PRDX3: variants seen among roughly 807,000 people sequenced by gnomAD.
PRDX3 encodes the protein peroxiredoxin 3, also known as thioredoxin-dependent peroxide reductase, mitochondrial.
PRDX3 carries 20 observed loss-of-function variants against 30.4 expected under a neutral mutation model. The observed-to-expected ratio is 0.66, with a 90% CI of 0.46 to 0.96. The LOEUF (loss-of-function observed/expected upper bound fraction) is 0.96, where lower values mean the gene tolerates loss of function less well. Ranked by LOEUF, PRDX3 falls within the 40% of genes least tolerant of loss-of-function variation. The probability of loss-of-function intolerance (pLI) is 0.00; values close to 1 mark genes in which losing one functional copy is unlikely to be tolerated. For missense variants in PRDX3, 322 were observed against 318.3 expected (o/e 1.01, Z -0.09); for synonymous variants, 124 against 117.8 (o/e 1.05, Z -0.34).
rs746926216 is a variant in PRDX3, at chr10:119,174,606, C to G, written c.170-14G>C. ...GGCATGAGGAACCTGAAAAAAAACC[C>G]ACACTCATATGGAGTTCATCATTTG... is the stretch of plus-strand genomic sequence containing the variant. On this transcript the variant is annotated splice_polypyrimidine_tract_variant and intron_variant, in intron 2 of 6. Transcript: ENST00000298510. The G allele has an allele frequency of 6.3e-7, 1 of 1,577,514 alleles. No homozygotes were observed. Among genetic ancestry groups the G allele is most frequent in the Admixed American group, 2.0e-5 (1 of 49,032 alleles).
In PRDX3 at chr10:119,168,919, G is replaced by A. The variant is rs1847831469; in HGVS notation, c.717+258C>T. Reference sequence around the variant, plus strand: ...ACCCAGGAGGCGGAGCTTGCAGTGAGCTGAGAGAGCGCCACTGCACTCCAG... The same window carrying A: ...ACCCAGGAGGCGGAGCTTGCAGTGAACTGAGAGAGCGCCACTGCACTCCAG... On this transcript the variant is annotated intron_variant, in intron 6 of 6. Transcript: ENST00000298510. Among the ~76,000 whole-genome samples, 3 of 146,850 alleles carry A rather than the reference G, an allele frequency of 2.0e-5. No individual in the cohort carries two copies. In the South Asian group the frequency reaches 6.4e-4, roughly 31 times the overall value.
At chr10:119,170,458 G>A (rs376352426) in intron 5 of PRDX3, 12 of 152,068 alleles carry the variant, frequency 7.9e-5, no homozygotes, top group Non-Finnish European at 1.8e-4. Flanking sequence ...ATATTAAAAC[G>A]GGTACAGAGG....
At position 119,172,367 on chromosome 10, in the gene PRDX3, G is replaced by A; in HGVS notation, c.551+15C>T. ...ATGAAAAATAATCTTAAGTTCATCAGAAACAGGATCTTACCTTAGTGCAAG... is the reference window on the plus strand; with the variant it reads ...ATGAAAAATAATCTTAAGTTCATCAAAAACAGGATCTTACCTTAGTGCAAG... On this transcript the variant is annotated intron_variant, in intron 5 of 6. Transcript: ENST00000298510. The A allele has an allele frequency of 1.9e-6, 3 of 1,574,472 alleles. No individual in the cohort carries two copies. Among genetic ancestry groups the A allele is most frequent in the Non-Finnish European group, 1.7e-6 (2 of 1,143,986 alleles).
At chr10:119,173,688 T>C in intron 4 of PRDX3, 49 bp downstream of exon 4, 1 of 1,579,266 alleles carries the variant, frequency 6.3e-7, no homozygotes, top group Non-Finnish European at 8.6e-7. Flanking sequence ...AAATTTAGAT[T>C]CTTCCAAGCA....
In PRDX3 at chr10:119,168,295, A is replaced by G. The variant is rs988675254; in HGVS notation, c.*185T>C. 1.7e-5 allele frequency: 21 copies of G among 1,228,218 alleles called. No homozygotes were observed. The highest frequency in any genetic ancestry group is 2.2e-5 in the Non-Finnish European group (20 of 918,758). The allele number at this position is 1,228,218 out of a possible 1,614,324, so 76.1% of individuals were successfully genotyped here. On this transcript the variant is annotated 3_prime_UTR_variant, in exon 7 of 7. Coordinates refer to ENST00000298510, the MANE Select transcript of PRDX3 (RefSeq NM_006793.5). ...TTACCAATAAAGGATTCCTTGTACTAGCAACTAACCATGTTTAAAAGGTCT... is the reference window on the plus strand; with the variant it reads ...TTACCAATAAAGGATTCCTTGTACTGGCAACTAACCATGTTTAAAAGGTCT...
intron 5 of PRDX3, among the ~76,000 whole-genome samples, chr10:119,171,152 T>C (rs990485014): frequency 2.0e-5 from 3 of 151,886 alleles, no homozygotes; most frequent in African/African-American, 7.2e-5. Context: ...GCCATTCTCC[T>C]GCCTCAGCCT....
chr10:119,168,341 A>G lies in PRDX3; in HGVS notation c.*139T>C. 6.8e-7 allele frequency: 1 copy of G among 1,480,376 alleles called. No homozygotes were observed. The highest frequency in any genetic ancestry group is 8.9e-7 in the Non-Finnish European group (1 of 1,121,058). 91.7% of individuals were successfully genotyped at this position (1,480,376 alleles called of 1,614,324 possible). A position where few individuals can be genotyped will look rare whatever the true frequency, so the allele number is the denominator to read the frequency against. ...GGTCTTAGCCAGAATTACAAAAACA[A>G]AACATTTAGAGTAATACTTATGAAT... On this transcript the variant is annotated 3_prime_UTR_variant, in exon 7 of 7. Coordinates refer to ENST00000298510, the MANE Select transcript of PRDX3 (RefSeq NM_006793.5).
At chr10:119,168,833 G>A (rs575448748) in intron 6 of PRDX3, among the ~76,000 whole-genome samples, 2 of 152,074 alleles carry the variant, frequency 1.3e-5, no homozygotes, top group Non-Finnish European at 2.9e-5. Context: ...AAAATTAGCC[G>A]TGGTGGTGGG....
At position 119,172,248 on chromosome 10, in the gene PRDX3, G is replaced by T. The variant is rs571911541; in HGVS notation, c.551+134C>A. On this transcript the variant is annotated intron_variant, in intron 5 of 6. Transcript: ENST00000298510. ...GCCTCCCAAAGTGCTACGATTACAG[G>T]CATGAGCCACCATGCCCAGCCAGGA... 8.1e-6 allele frequency: 6 copies of T among 738,830 alleles called. No individual in the cohort carries two copies. In the South Asian group the frequency reaches 8.5e-5, roughly 10 times the overall value. 45.8% of individuals were successfully genotyped at this position (738,830 alleles called of 1,614,324 possible).
At chr10:119,174,667 CAT>C in intron 2 of PRDX3, 75 bp from the exon 3 acceptor site, 1 of 1,373,156 alleles carries the variant, frequency 7.3e-7, no homozygotes, top group Non-Finnish European at 9.7e-7. Flanking sequence ...TTAAACTTCT[CAT>C]AATTAATTAG....
chr10:119,169,826 T>G (rs1223674603), intron 5 of PRDX3: 3 of 154,008 alleles, frequency 1.9e-5, no homozygotes, highest in Non-Finnish European at 4.3e-5. Context: ...ATAGAAAGAA[T>G]GTACAGGCTC....
chr10:119,173,774 T>C lies in PRDX3; in HGVS notation c.410A>G (p.His137Arg). The C allele has an allele frequency of 6.2e-7, 1 of 1,612,518 alleles. No homozygotes were observed. Among genetic ancestry groups the C allele is most frequent in the Non-Finnish European group, 8.5e-7 (1 of 1,179,946 alleles). ...CEVVAVSVDSHFSHLAWINTP... is the reference protein window; with the variant it reads ...CEVVAVSVDSRFSHLAWINTP... ...ATTTATCCAGGCAAGATGGCTAAAG[T>C]GGGAATCCACTGAGACTGCGACAAC... Residue 137 changes from histidine to arginine, a missense_variant, in exon 4 of 7, where the codon CAC (histidine) becomes CGC (arginine). His to Arg is a conservative substitution (Grantham distance 29, BLOSUM62 0). Coordinates refer to ENST00000298510, the MANE Select transcript of PRDX3 (RefSeq NM_006793.5).
chr10:119,177,214 G>A, intron 1 of PRDX3, 61 bp from the exon 2 acceptor site: 1 of 1,570,186 alleles, frequency 6.4e-7, no homozygotes, highest in Non-Finnish European at 8.7e-7. Flanking sequence ...GGCTGAAAGG[G>A]CATCGTGCCA....
rs780865913 is a variant in PRDX3 at position 119,169,393 on chromosome 10, C to T, written c.552-51G>A. 6 of 1,478,306 alleles carry T rather than the reference C, an allele frequency of 4.1e-6. No homozygotes were observed. In the South Asian group the frequency reaches 6.0e-5, roughly 15 times the overall value. 91.6% of individuals were successfully genotyped at this position (1,478,306 alleles called of 1,614,324 possible). A position where few individuals can be genotyped will look rare whatever the true frequency, so the allele number is the denominator to read the frequency against. On this transcript the variant is annotated intron_variant, in intron 5 of 6. Transcript: ENST00000298510. ...TGCCTCAACAGTACCAGAACTAGAACAGTCTAACTTCTTCCCTTTTAGGTC... is the reference window on the plus strand; with the variant it reads ...TGCCTCAACAGTACCAGAACTAGAATAGTCTAACTTCTTCCCTTTTAGGTC...
At chr10:119,169,118 C>A (rs1430179945) in intron 6 of PRDX3, 59 bp downstream of exon 6, 4 of 1,570,684 alleles carry the variant, frequency 2.5e-6, no homozygotes, top group South Asian at 2.3e-5. Flanking sequence ...TATTTCAGGT[C>A]AATAGCTCTC....
rs756027337 is a variant in PRDX3 at position 119,169,192 on chromosome 10, T to A, written c.702A>T (p.Thr234=). 20 of 1,612,216 alleles carry A rather than the reference T, an allele frequency of 1.2e-5. No homozygotes were observed. The highest frequency in any genetic ancestry group is 2.7e-5 in the African/African-American group (2 of 74,826). The change falls in exon 6 of 7, where the codon ACA becomes ACT. Residue 234 remains threonine, a synonymous_variant. Coordinates refer to ENST00000298510, the MANE Select transcript of PRDX3 (RefSeq NM_006793.5). ...AAAAACCTACCGTAGGAGAATCCGG[T>A]GTCCAGTTCGCTGGGCAGACTTCTC... ...THGEVCPANW[T]PDSPTIKPSP...
rs1388815626 is a variant in PRDX3 at position 119,173,800 on chromosome 10, T to C, written c.384A>G (p.Glu128=). The change falls in exon 4 of 7, where the codon GAA becomes GAG. Residue 128 remains glutamate (E), a synonymous_variant. Transcript: ENST00000298510. The part of the protein sequence containing the change: ...KANEFHDVNC[E]VVAVSVDSHF... ...GGGAATCCACTGAGACTGCGACAAC[T>C]TCACAGTTCACGTCGTGAAATTCGT... The C allele has an allele frequency of 6.2e-7, 1 of 1,612,556 alleles. No homozygotes were observed. Among genetic ancestry groups the C allele is most frequent in the Non-Finnish European group, 8.5e-7 (1 of 1,179,374 alleles).
chr10:119,171,475 C>T lies in PRDX3; in HGVS notation c.551+907G>A, dbSNP rs150442787. Among the ~76,000 whole-genome samples the T allele has an allele frequency of 2.5e-3, 384 of 152,272 alleles. 2 individuals carry two copies. The highest frequency in any genetic ancestry group is 8.3e-3 in the African/African-American group (343 of 41,540). On this transcript the variant is annotated intron_variant, in intron 5 of 6. Transcript: ENST00000298510. The stretch of plus-strand genomic sequence containing the variant: ...CTTCACTCCTATTCTCAGCAGACTT[C>T]AAGATGCCAATTCTAAGACCCAAGT...
intron 2 of PRDX3, chr10:119,174,898 A>C: frequency 4.2e-6 from 1 of 236,852 alleles, no homozygotes; most frequent in Non-Finnish European, 8.1e-6. Flanking sequence ...TACGACGTAA[A>C]TGCTACGTAA....
Sources: allele counts gnomAD v4.1 joint callset (sites outside exome capture counted in the v4.1 genomes callset), GRCh38; gene constraint gnomAD v4.1.1; transcripts MANE v1.5; gene names NCBI Gene and HGNC (gene_info 2026-07-23, HGNC 2026-07-21).